Variants in PRKN observed in about 807,000 individuals in gnomAD.
PRKN encodes the protein parkin RBR E3 ubiquitin protein ligase.
In PRKN, 56 loss-of-function variants were observed where a neutral mutation model predicts 59.5. The observed-to-expected ratio is 0.94, with a 90% confidence interval of 0.76 to 1.18. The LOEUF (loss-of-function observed/expected upper bound fraction) is 1.18. PRKN is among the 50% of genes most tolerant of loss of function. The pLI is 0.00. For synonymous variants in PRKN, 250 were observed against 222.1 expected (o/e 1.13, Z -1.12); for missense variants, 657 against 596.4 (o/e 1.10, Z -1.06).
At chr6:162,171,029 G>C (rs1783247300) in intron 4 of PRKN, among the ~76,000 whole-genome samples, 1 of 151,924 alleles carries the variant, frequency 6.6e-6, no homozygotes. Flanking sequence ...AGATACTGGA[G>C]ATTTTCATGA....
At chr6:162,236,523 A>T (rs1454485128) in intron 3 of PRKN, among the ~76,000 whole-genome samples, 1 of 151,908 alleles carries the variant, frequency 6.6e-6, no homozygotes, top group Admixed American at 6.6e-5. Context: ...GTGGTGGCTC[A>T]CGCCTGTATC....
rs373189784 is a variant in PRKN, at chr6:161,687,198, C to T, written c.871+98574G>A. Among the ~76,000 whole-genome samples, 4 of 151,420 alleles carry T rather than the reference C, an allele frequency of 2.6e-5. No homozygotes were observed. In the East Asian group the frequency reaches 8.0e-4, roughly 30 times the overall value. On this transcript the variant is annotated intron_variant, in intron 7 of 11. Transcript: ENST00000366898. ...GGTCAGGAGTTCGAGACTAGTCTGG[C>T]CAACATGGTGAAACTCTGTCTCTAC...
At chr6:162,099,684 A>G (rs1381858806) in intron 4 of PRKN, among the ~76,000 whole-genome samples, 3 of 152,252 alleles carry the variant, frequency 2.0e-5, no homozygotes, top group African/African-American at 7.2e-5. Flanking sequence ...TTTATTGTAT[A>G]TAATGTTGTT....
chr6:161,618,654 A>G (rs1782780077), intron 7 of PRKN, among the ~76,000 whole-genome samples: 1 of 152,194 alleles, frequency 6.6e-6, no homozygotes, highest in Admixed American at 6.5e-5. Flanking sequence ...ATAATGTCTA[A>G]TGCTGAGCCC....
chr6:162,188,517 C>T (rs915386417), intron 4 of PRKN, among the ~76,000 whole-genome samples: 2 of 152,220 alleles, frequency 1.3e-5, no homozygotes, highest in African/African-American at 4.8e-5. Flanking sequence ...GCCCTATCCA[C>T]AACCCAACAG....
At chr6:162,329,579 T>G (rs529119121) in intron 2 of PRKN, among the ~76,000 whole-genome samples, 133 of 152,212 alleles carry the variant, frequency 8.7e-4, no homozygotes, top group African/African-American at 3.1e-3. Flanking sequence ...ATTTTATGCA[T>G]GAAATTTATC....
At chr6:162,184,213 T>C (rs766713153) in intron 4 of PRKN, among the ~76,000 whole-genome samples, 39 of 152,176 alleles carry the variant, frequency 2.6e-4, no homozygotes, top group Non-Finnish European at 5.7e-4. Context: ...TCAAATCCAA[T>C]ATTCAATAAG....
At chr6:161,706,093 T>C (rs1786479786) in intron 7 of PRKN, among the ~76,000 whole-genome samples, 3 of 151,720 alleles carry the variant, frequency 2.0e-5, no homozygotes, top group African/African-American at 7.3e-5. Flanking sequence ...CCACTTTCAT[T>C]CCCCTCCTTT....
intron 3 of PRKN, among the ~76,000 whole-genome samples, chr6:162,247,713 A>T (rs926356370): frequency 2.0e-5 from 3 of 152,138 alleles, no homozygotes; most frequent in Admixed American, 6.5e-5. Context: ...TTTATAACCC[A>T]CCAGAATAAT....
rs76751956 is a variant in PRKN, at chr6:161,617,372, G to A, written c.872-47956C>T. On this transcript the variant is annotated intron_variant, in intron 7 of 11. Coordinates refer to ENST00000366898, the MANE Select transcript of PRKN (RefSeq NM_004562.3). ...GTGTAGGCTGCCTGTTCACTCTGAC[G>A]ATAAATTTCTTTAGGTGTGCAGAAG... Among the ~76,000 whole-genome samples, 398 of 152,300 alleles carry A rather than the reference G, an allele frequency of 2.6e-3. 22 individuals carry two copies. In the East Asian group the frequency reaches 0.067, roughly 26 times the overall value.
At chr6:162,509,938 G>T (rs1163379077) in intron 1 of PRKN, among the ~76,000 whole-genome samples, 1 of 151,990 alleles carries the variant, frequency 6.6e-6, no homozygotes, top group Non-Finnish European at 1.5e-5. Context: ...AAGAAAATAG[G>T]CAACTCCCAT....
chr6:162,600,561 G>A (rs1781667233), intron 1 of PRKN, among the ~76,000 whole-genome samples: 1 of 152,162 alleles, frequency 6.6e-6, no homozygotes, highest in South Asian at 2.1e-4. Flanking sequence ...TGGTGATGTG[G>A]TTTGGATCCG....
At chr6:162,618,860 C>T (rs1442465060) in intron 1 of PRKN, among the ~76,000 whole-genome samples, 1 of 152,120 alleles carries the variant, frequency 6.6e-6, no homozygotes, top group Non-Finnish European at 1.5e-5. Context: ...CACATTGTGT[C>T]CGAAATGCAT....
chr6:161,889,266 CAG>C (rs1795257689), intron 6 of PRKN, among the ~76,000 whole-genome samples: 1 of 152,060 alleles, frequency 6.6e-6, no homozygotes, highest in African/African-American at 2.4e-5. Flanking sequence ...ATTTTGAAAA[CAG>C]AGAGAAATGG....
At chr6:161,962,047 A>G (rs1161784023) in intron 6 of PRKN, among the ~76,000 whole-genome samples, 1 of 152,178 alleles carries the variant, frequency 6.6e-6, no homozygotes, top group Non-Finnish European at 1.5e-5. Context: ...GAATGAACAC[A>G]CCACGGCCCT....
At chr6:162,232,373 T>C (rs1778459486) in intron 3 of PRKN, among the ~76,000 whole-genome samples, 1 of 152,024 alleles carries the variant, frequency 6.6e-6, no homozygotes, top group Non-Finnish European at 1.5e-5. Context: ...AAAAGGATGA[T>C]GACCAGGAGA....
chr6:162,065,566 T>C (rs536068048), intron 4 of PRKN, among the ~76,000 whole-genome samples: 1 of 151,650 alleles, frequency 6.6e-6, no homozygotes, highest in Non-Finnish European at 1.5e-5. Flanking sequence ...TTTTTTTTTT[T>C]GGTCAATTTT....
rs1442450280 is a variant in PRKN at position 161,440,061 on chromosome 6, C to T, written c.1084-53184G>A. ...CACCTCCCGGGTTCATGCTACTCTC[C>T]TGCCTCAGCCTCCTGAGTAGCTGGG... On this transcript the variant is annotated intron_variant, in intron 9 of 11. Transcript: ENST00000366898. The surrounding 1 kb of genome is among the most constrained non-coding windows in gnomAD (Gnocchi z 4.1). 1.3e-5 allele frequency among the ~76,000 whole-genome samples: 2 copies of T among 151,942 alleles called. No individual in the cohort carries two copies. The highest frequency in any genetic ancestry group is 2.9e-5 in the Non-Finnish European group (2 of 68,016).
intron 6 of PRKN, among the ~76,000 whole-genome samples, chr6:161,824,931 C>G (rs978908583): frequency 5.3e-5 from 8 of 152,094 alleles, no homozygotes; most frequent in Non-Finnish European, 7.3e-5. Context: ...AGTCACTATG[C>G]AATAAGACTT....
Sources: gnomAD v4.1 joint callset for allele counts (sites outside exome capture counted in the v4.1 genomes callset) on GRCh38, gnomAD v4.1.1 for gene constraint, Gnocchi (gnomAD v3.1) non-coding constraint, MANE v1.5 for transcripts, NCBI Gene and HGNC (gene_info 2026-07-23, HGNC 2026-07-21) for gene names.